SPOCK1: variants seen among roughly 807,000 people sequenced by gnomAD.
SPOCK1 encodes the protein testican-1.
SPOCK1 carries 23 observed loss-of-function variants against 55.3 expected under a neutral mutation model. That is an observed-to-expected ratio of 0.42 (90% CI 0.30 to 0.59). SPOCK1 has a LOEUF of 0.59. SPOCK1 is among the 20% of genes least tolerant of loss of function. SPOCK1 has a pLI of 0.22. For synonymous variants in SPOCK1, 226 were observed against 221.0 expected, an observed-to-expected ratio of 1.02 and a Z score of -0.20; for missense variants, 499 against 552.5, an observed-to-expected ratio of 0.90 and a Z score of 0.97.
chr5:137,251,515 T>C, intron 3 of SPOCK1, among the ~76,000 whole-genome samples: 1 of 152,210 alleles, frequency 6.6e-6, no homozygotes, highest in Non-Finnish European at 1.5e-5. Context: ...TCAGATTATT[T>C]CCAAGAGCTT....
At chr5:137,349,508 T>C (rs548508620) in intron 2 of SPOCK1, among the ~76,000 whole-genome samples, 2 of 152,304 alleles carry the variant, frequency 1.3e-5, no homozygotes, top group East Asian at 1.9e-4. Context: ...AATATCTTTG[T>C]TTCCTAGAGT....
At chr5:137,054,588 A>G (rs1386471401) in intron 6 of SPOCK1, among the ~76,000 whole-genome samples, 1 of 152,182 alleles carries the variant, frequency 6.6e-6, no homozygotes, top group Non-Finnish European at 1.5e-5. Flanking sequence ...AGGACAAAGG[A>G]GTCAGTGTGG....
intron 2 of SPOCK1, among the ~76,000 whole-genome samples, chr5:137,299,310 C>T (rs1757543805): frequency 1.3e-5 from 2 of 152,070 alleles, no homozygotes; most frequent in Non-Finnish European, 2.9e-5. Flanking sequence ...AATACACTTG[C>T]ACATATTACA....
chr5:137,064,307 G>C (rs563620042), intron 6 of SPOCK1, among the ~76,000 whole-genome samples: 1 of 152,298 alleles, frequency 6.6e-6, no homozygotes, highest in Non-Finnish European at 1.5e-5. Flanking sequence ...TTTCACCTCA[G>C]AAATGAGGTT....
intron 8 of SPOCK1, among the ~76,000 whole-genome samples, chr5:136,987,888 G>A (rs568633868): frequency 4.7e-4 from 72 of 152,298 alleles, no homozygotes; most frequent in Non-Finnish European, 8.7e-4. Flanking sequence ...GTCTGACTTT[G>A]GGTTATATGA....
At chr5:137,380,131 C>A (rs765492637) in intron 2 of SPOCK1, among the ~76,000 whole-genome samples, 10 of 152,216 alleles carry the variant, frequency 6.6e-5, no homozygotes, top group Non-Finnish European at 1.0e-4. Flanking sequence ...GTGTGTGAAT[C>A]ACGCTCCATC....
chr5:137,108,169 T>A (rs943279397), intron 5 of SPOCK1, among the ~76,000 whole-genome samples: 53 of 152,204 alleles, frequency 3.5e-4, no homozygotes, highest in Non-Finnish European at 1.0e-4. Flanking sequence ...TGAGACTAAA[T>A]CATCTTTTTG....
Position 137,083,291 on chromosome 5 carries a change from G to A in SPOCK1, c.475-15462C>T, listed in dbSNP as rs377457499. ...CAATACATCAGCTACTCAAATCCTC[G>A]GGAGCCACATTGCTGACTCCCCAGA... On this transcript the variant is annotated intron_variant, in intron 5 of 10. Transcript: ENST00000394945. Among the ~76,000 whole-genome samples the A allele has an allele frequency of 2.6e-4, 39 of 152,182 alleles. 1 individual carries two copies. Among genetic ancestry groups the A allele is most frequent in the Admixed American group, 1.2e-3 (18 of 15,284 alleles).
intron 9 of SPOCK1, among the ~76,000 whole-genome samples, chr5:136,984,014 A>C (rs1379426453): frequency 6.6e-6 from 1 of 152,208 alleles, no homozygotes; most frequent in Non-Finnish European, 1.5e-5. Flanking sequence ...CACTCAAAAT[A>C]ATATCCCACA....
chr5:137,093,579 A>G (rs1172217721), intron 5 of SPOCK1, among the ~76,000 whole-genome samples: 1 of 152,200 alleles, frequency 6.6e-6, no homozygotes, highest in Non-Finnish European at 1.5e-5. Context: ...AAGAAAGCAG[A>G]GCAATAGGCC....
In SPOCK1 at chr5:137,010,868, C is replaced by G. The variant is rs368195625; in HGVS notation, c.590-18268G>C. ...GATAACACCTCAGACCTTAGCTTAG[C>G]CTGGTAGCAGCCTGAGGTCCCTGGA... On this transcript the variant is annotated intron_variant, in intron 6 of 10. Transcript: ENST00000394945. Among the ~76,000 whole-genome samples, 7 of 152,216 alleles carry G rather than the reference C, an allele frequency of 4.6e-5. No individual in the cohort carries two copies. In the East Asian group the frequency reaches 1.2e-3, roughly 25 times the overall value.
chr5:137,128,723 G>T (rs1241478634), intron 4 of SPOCK1, among the ~76,000 whole-genome samples: 3 of 152,178 alleles, frequency 2.0e-5, no homozygotes, highest in Non-Finnish European at 4.4e-5. Context: ...GTCCTCATAT[G>T]CTCTTAAACA....
intron 2 of SPOCK1, among the ~76,000 whole-genome samples, chr5:137,494,070 G>T (rs1754246509): frequency 6.6e-6 from 1 of 152,206 alleles, no homozygotes; most frequent in Non-Finnish European, 1.5e-5. Context: ...CAGCACTTCT[G>T]ATTCTTCAGG....
At chr5:137,382,995 G>T (rs72796539) in intron 2 of SPOCK1, among the ~76,000 whole-genome samples, 2 of 152,118 alleles carry the variant, frequency 1.3e-5, no homozygotes, top group South Asian at 2.1e-4. Flanking sequence ...AGAAGAGCCA[G>T]CACCAAGCAG....
intron 3 of SPOCK1, among the ~76,000 whole-genome samples, chr5:137,168,804 A>G (rs1019735501): frequency 6.6e-6 from 1 of 152,188 alleles, no homozygotes; most frequent in Non-Finnish European, 1.5e-5. Flanking sequence ...AGGTTCCTCA[A>G]GAAACTAAAA....
At chr5:137,465,455 C>A (rs1291503378) in intron 2 of SPOCK1, among the ~76,000 whole-genome samples, 1 of 152,030 alleles carries the variant, frequency 6.6e-6, no homozygotes, top group African/African-American at 2.4e-5. Context: ...CTTATAATTT[C>A]TAAAAATTGT....
chr5:137,210,225 C>A (rs1366734249), intron 3 of SPOCK1, among the ~76,000 whole-genome samples: 1 of 152,166 alleles, frequency 6.6e-6, no homozygotes, highest in Non-Finnish European at 1.5e-5. Context: ...TTCTTGCACA[C>A]CCTCCCTCTT....
At chr5:137,018,679 C>T (rs1751499956) in intron 6 of SPOCK1, among the ~76,000 whole-genome samples, 1 of 152,110 alleles carries the variant, frequency 6.6e-6, no homozygotes, top group African/African-American at 2.4e-5. Flanking sequence ...CTTTTTCTCT[C>T]CTTATTATAC....
chr5:137,459,084 A>AT (rs1753425868), intron 2 of SPOCK1, among the ~76,000 whole-genome samples: 1 of 152,204 alleles, frequency 6.6e-6, no homozygotes. Flanking sequence ...CCAATGCCCT[A>AT]TATCGAGTGA....
Sources: gnomAD v4.1 joint callset for allele counts (sites outside exome capture counted in the v4.1 genomes callset) on GRCh38, gnomAD v4.1.1 for gene constraint, MANE v1.5 for transcripts, NCBI Gene and HGNC (gene_info 2026-07-23, HGNC 2026-07-21) for gene names.